The following ASB10 variants were observed in gnomAD, a reference collection of about 807,000 sequenced individuals.
ASB10 encodes the protein ankyrin repeat and SOCS box protein 10.
In ASB10, 44 loss-of-function variants were observed where a neutral mutation model predicts 35.4. The observed-to-expected ratio is 1.24, with a 90% CI of 0.98 to 1.60. The LOEUF is 1.60. Among genes scored for constraint, ASB10 ranks in the 40% most tolerant of loss-of-function variants. The probability of loss-of-function intolerance (pLI) is 0.00; values close to 1 mark genes in which losing one functional copy is unlikely to be tolerated. For missense variants in ASB10, 647 were observed against 634.3 expected, an observed-to-expected ratio of 1.02 and a Z score of -0.22; for synonymous variants, 294 against 280.4, an observed-to-expected ratio of 1.05 and a Z score of -0.49.
At chr7:151,182,269 G>A (rs532454737) in intron 2 of ASB10, among the ~76,000 whole-genome samples, 9 of 152,222 alleles carry the variant, frequency 5.9e-5, no homozygotes, top group African/African-American at 2.2e-4. Flanking sequence ...TGGAAATGGG[G>A]CAGTGGGATA....
intron 3 of ASB10, 28 bp from the exon 4 acceptor site, chr7:151,176,704 C>T (rs546982480): frequency 5.2e-5 from 76 of 1,473,130 alleles, no homozygotes; most frequent in Non-Finnish European, 6.5e-5. Flanking sequence ...ATGTTGGGTC[C>T]TCAGTCAGTC....
chr7:151,179,401 G>A (rs988824333), intron 3 of ASB10, among the ~76,000 whole-genome samples: 1 of 152,232 alleles, frequency 6.6e-6, no homozygotes, highest in Non-Finnish European at 1.5e-5. Context: ...AGTGCCTGGT[G>A]TGTAGTCAAG....
chr7:151,187,275 G>A, upstream of ASB10: 1 of 1,508,762 alleles, frequency 6.6e-7, no homozygotes. The surrounding 1 kb of genome is among the most constrained non-coding windows in gnomAD (Gnocchi z 5.3). Flanking sequence ...TCCAGCAGGA[G>A]CTATTCTGGG....
At position 151,181,142 on chromosome 7, in the gene ASB10, C is replaced by G; in HGVS notation, c.901G>C (p.Ala301Pro). 6.2e-7 allele frequency: 1 copy of G among 1,610,920 alleles called. No homozygotes were observed. Among genetic ancestry groups the G allele is most frequent in the Non-Finnish European group, 8.5e-7 (1 of 1,178,682 alleles). Residue 301 changes from alanine (A) to proline (P), a missense_variant, in exon 3 of 6, where the codon GCC becomes CCC. Coordinates refer to ENST00000420175, the MANE Select transcript of ASB10 (RefSeq NM_001142459.2). Reference protein sequence around the residue: ...DQDKQRPLHLACRRGHAAVVE... With the variant: ...DQDKQRPLHLPCRRGHAAVVE... ...ACAGCTGCATGGCCACGGCGGCAGG[C>G]CAGGTGCAGGGGTCGCTGCTTGTCC...
In ASB10 at chr7:151,181,409, C is replaced by T. The variant is rs780800752; in HGVS notation, c.634G>A (p.Glu212Lys). ...TGCAAAGGGGTCTCCTCTTCTTCCT[C>T]GGACCGACCATCCACTCTCGCTCCA... ...RFGARVDGRS[E>K]EEEETPLHVA... Residue 212 changes from glutamate to lysine, a missense_variant, in exon 3 of 6, where the codon GAG becomes AAG. Physicochemically the swap from Glu to Lys is moderately conservative, Grantham distance 56 (BLOSUM62 1). Transcript: ENST00000420175. 17 of 1,610,400 alleles carry T rather than the reference C, an allele frequency of 1.1e-5. No individual in the cohort carries two copies. The highest frequency in any genetic ancestry group is 6.7e-5 in the African/African-American group (5 of 74,862).
At chr7:151,178,712 C>G (rs2150555997) in intron 3 of ASB10, among the ~76,000 whole-genome samples, 1 of 152,306 alleles carries the variant, frequency 6.6e-6, no homozygotes, top group Admixed American at 6.5e-5. Flanking sequence ...AGCAGAAGGC[C>G]TGGCCTTCCA....
chr7:151,186,625 G>T lies in ASB10; in HGVS notation c.351C>A (p.Thr117=). The T allele has an allele frequency of 6.2e-7, 1 of 1,610,974 alleles. No individual in the cohort carries two copies. The highest frequency in any genetic ancestry group is 2.2e-5 in the East Asian group (1 of 44,836). The part of the protein sequence containing the change: ...LWSLTYEEEL[T]TPLHVAASRG... ...GGCTGGCTGCCACATGCAGTGGGGT[G>T]GTCAGCTCCTCTTCGTATGTCAGAG... The change falls in exon 2 of 6, where the codon ACC becomes ACA. Residue 117 remains threonine, a synonymous_variant. Transcript: ENST00000420175.
At position 151,181,236 on chromosome 7, in the gene ASB10, G is replaced by T. The variant is rs752072528; in HGVS notation, c.807C>A (p.Thr269=). ...RCQSITDAEA[T]TARCLQLCSL... ...TGCACAGCTGCAGGCAGCGGGCGGT[G>T]GTGGCCTCGGCATCGGTGATGGACT... Residue 269 remains threonine (T), a synonymous_variant, in exon 3 of 6, where the codon ACC becomes ACA. Coordinates refer to ENST00000420175, the MANE Select transcript of ASB10 (RefSeq NM_001142459.2). The T allele has an allele frequency of 6.2e-7, 1 of 1,613,054 alleles. No individual in the cohort carries two copies. Among genetic ancestry groups the T allele is most frequent in the South Asian group, 1.1e-5 (1 of 91,074 alleles).
intron 3 of ASB10, 26 bp downstream of exon 3, chr7:151,180,913 C>T (rs774714780): frequency 6.8e-7 from 1 of 1,465,384 alleles, no homozygotes; most frequent in Non-Finnish European, 9.0e-7. Context: ...CCATGGTGGC[C>T]CTCCTGCTGC....
intron 1 of ASB10, 77 bp from the exon 2 acceptor site, chr7:151,186,736 G>A: frequency 2.0e-6 from 3 of 1,538,290 alleles, no homozygotes; most frequent in Non-Finnish European, 2.6e-6. Context: ...GGTGGGCAGA[G>A]GCAGGAAGAG....
chr7:151,176,272 A>G lies in ASB10; in HGVS notation c.1244T>C (p.Leu415Pro), dbSNP rs1050466722. 2.6e-6 allele frequency: 4 copies of G among 1,561,872 alleles called. No homozygotes were observed. In the African/African-American group the frequency reaches 5.5e-5, roughly 21 times the overall value. ...CCTGGGCTGCCTCACCAAGGCGAAG[A>G]GGGAGGAGTAGAAACGCTGATGTTT... ...LQKHQRFYSS[L>P]FALVRQPRSL... is the part of the protein sequence containing the mutation. Residue 415 changes from leucine to proline, a missense_variant, in exon 5 of 6, where the codon CTC (leucine) becomes CCC (proline). Leu to Pro is a moderately conservative substitution (Grantham distance 98). Coordinates refer to ENST00000420175, the MANE Select transcript of ASB10 (RefSeq NM_001142459.2).
chr7:151,176,085 T>C, intron 5 of ASB10, 27 bp downstream of exon 5: 1 of 1,606,966 alleles, frequency 6.2e-7, no homozygotes, highest in Non-Finnish European at 8.5e-7. Context: ...CAAGCAGCTG[T>C]GACTGCTCAC....
chr7:151,186,059 T>C (rs772240634), intron 2 of ASB10, among the ~76,000 whole-genome samples: 1 of 152,084 alleles, frequency 6.6e-6, no homozygotes, highest in African/African-American at 2.4e-5. Context: ...GCCTGGAACA[T>C]AGGATAAGCT....
chr7:151,176,207 G>T lies in ASB10; in HGVS notation c.1309C>A (p.Leu437Met), dbSNP rs1193625892. The change falls in exon 5 of 6, where the codon CTG becomes ATG. Residue 437 changes from leucine to methionine, a missense_variant. Transcript: ENST00000420175. ...HLSRCALRSH[L>M]EGSLPQALPR... is the part of the protein sequence containing the mutation. ...AGCGCTTGGGGCAGGCTGCCCTCCAGGTGGGAGCGGAGCGCACAGCGGCTC... is the reference window on the plus strand; with the variant it reads ...AGCGCTTGGGGCAGGCTGCCCTCCATGTGGGAGCGGAGCGCACAGCGGCTC... The T allele has an allele frequency of 3.1e-6, 5 of 1,609,730 alleles. No homozygotes were observed. In the Admixed American group the frequency reaches 8.4e-5, roughly 27 times the overall value.
chr7:151,187,675 C>A (rs1356456239), upstream of ASB10: 2 of 1,505,788 alleles, frequency 1.3e-6, no homozygotes, highest in Admixed American at 2.1e-5. This position sits in a 1 kb window ranked among gnomAD's most constrained non-coding sequence, Gnocchi z 5.3. Context: ...AGGGAAGGCA[C>A]CCCAGATGGT....
Position 151,176,677 on chromosome 7 carries a change from C to G in ASB10, c.1105-1G>C. 3 of 1,548,266 alleles carry G rather than the reference C, an allele frequency of 1.9e-6. No homozygotes were observed. The highest frequency in any genetic ancestry group is 2.6e-6 in the Non-Finnish European group (3 of 1,144,202). ...GGCACGTGCTCCAGCGCTCCAGCAC[C>G]TGTGGGAGGCAGAGGCATGTTGGGT... is the stretch of plus-strand genomic sequence containing the variant. On this transcript the variant is annotated splice_acceptor_variant, in intron 3 of 5. Coordinates refer to ENST00000420175, the MANE Select transcript of ASB10 (RefSeq NM_001142459.2). LOFTEE classifies it high-confidence loss of function.
intron 3 of ASB10, 98 bp from the exon 4 acceptor site, chr7:151,176,774 G>T: frequency 1.2e-6 from 1 of 855,980 alleles, no homozygotes; most frequent in Non-Finnish European, 1.9e-6. Context: ...TTCCCCAAAA[G>T]ATATATTGAA....
rs1801535043 is a variant in ASB10, at chr7:151,183,680, G to T, written c.585-2222C>A. Reference sequence around the variant, plus strand: ...GGCTCACTACCACCTCCACCTCCGGGGTTGAAGGGATTCTCCTGCCTCAGC... The same window carrying T: ...GGCTCACTACCACCTCCACCTCCGGTGTTGAAGGGATTCTCCTGCCTCAGC... On this transcript the variant is annotated intron_variant, in intron 2 of 5. Coordinates refer to ENST00000420175, the MANE Select transcript of ASB10 (RefSeq NM_001142459.2). Among the ~76,000 whole-genome samples the T allele has an allele frequency of 2.0e-5, 3 of 152,292 alleles. No individual in the cohort carries two copies. In the South Asian group the frequency reaches 6.2e-4, roughly 32 times the overall value.
chr7:151,177,414 G>C (rs767863892), intron 3 of ASB10, among the ~76,000 whole-genome samples: 9 of 152,344 alleles, frequency 5.9e-5, no homozygotes, highest in African/African-American at 1.9e-4. Flanking sequence ...GCCTGGAAGC[G>C]TGACCCCTTG....
Sources: allele counts gnomAD v4.1 joint callset (sites outside exome capture counted in the v4.1 genomes callset), GRCh38; gene constraint gnomAD v4.1.1; non-coding constraint Gnocchi (gnomAD v3.1); transcripts MANE v1.5; gene names NCBI Gene and HGNC (gene_info 2026-07-23, HGNC 2026-07-21).